The following ARHGAP35 variants were observed in gnomAD, a reference collection of about 807,000 sequenced individuals.
The protein encoded by ARHGAP35 is Rho GTPase activating protein 35.
Under a neutral mutation model 111.1 loss-of-function variants are expected in ARHGAP35, and 15 were observed. The ratio of observed to expected loss-of-function variants is 0.13; its 90% CI spans 0.09 to 0.21. The LOEUF is 0.21. Ranked by LOEUF, ARHGAP35 falls within the 10% of genes least tolerant of loss-of-function variation. The pLI is 1.00. For synonymous variants in ARHGAP35, 643 were observed against 710.3 expected (o/e 0.91, Z 1.51); for missense variants, 1,262 against 1,873.0 (o/e 0.67, Z 6.02).
rs2056664476 is a variant in ARHGAP35 at position 46,988,761 on chromosome 19, A to C, written c.3904+695A>C. ...AGAGTGGACACCACACCCACTTCCC[A>C]GGTGGGCGGCCCTTGCGCCTTGCAG... On this transcript the variant is annotated intron_variant, in intron 4 of 6. Coordinates refer to ENST00000672722, the MANE Select transcript of ARHGAP35 (RefSeq NM_004491.5). This position sits in a 1 kb window ranked among gnomAD's most constrained non-coding sequence, Gnocchi z 5.4. 1 of 153,228 alleles carries C rather than the reference A, an allele frequency of 6.5e-6. No individual in the cohort carries two copies. Among genetic ancestry groups the C allele is most frequent in the African/African-American group, 2.4e-5 (1 of 41,474 alleles). The allele number at this position is 153,228 out of a possible 1,614,324, so 9.5% of individuals were successfully genotyped here.
chr19:46,868,829 TAAAAG>T (rs1265865154), intron 1 of ARHGAP35, among the ~76,000 whole-genome samples: 1 of 149,134 alleles, frequency 6.7e-6, no homozygotes, highest in South Asian at 2.1e-4. Flanking sequence ...AAATAAAAAT[TAAAAG>T]AAACATACAG....
intron 3 of ARHGAP35, among the ~76,000 whole-genome samples, chr19:46,963,956 C>T (rs924252386): frequency 6.6e-6 from 1 of 151,726 alleles, no homozygotes; most frequent in African/African-American, 2.4e-5. Context: ...CAATGTCCGC[C>T]TCCCAGGTTC....
chr19:46,973,556 G>A (rs2056563215), intron 3 of ARHGAP35, among the ~76,000 whole-genome samples: 1 of 151,520 alleles, frequency 6.6e-6, no homozygotes, highest in Non-Finnish European at 1.5e-5. Context: ...CGGGTGTGGT[G>A]GCGGGGCGCC....
chr19:46,922,680 C>T lies in ARHGAP35; in HGVS notation c.3681+324C>T, dbSNP rs1275122586. 2.0e-5 allele frequency among the ~76,000 whole-genome samples: 3 copies of T among 152,196 alleles called. No homozygotes were observed. Among genetic ancestry groups the T allele is most frequent in the Non-Finnish European group, 4.4e-5 (3 of 68,038 alleles). On this transcript the variant is annotated intron_variant, in intron 2 of 6. Coordinates refer to ENST00000672722, the MANE Select transcript of ARHGAP35 (RefSeq NM_004491.5). The surrounding 1 kb of genome is among the most constrained non-coding windows in gnomAD (Gnocchi z 4.0). ...TGACAATACACTTGCTCTCCCTTCA[C>T]TGAAACACCAGAACTCAAAACTGCT... is the stretch of plus-strand genomic sequence containing the variant.
At chr19:46,944,117 T>C (rs1234317589) in intron 3 of ARHGAP35, among the ~76,000 whole-genome samples, 1 of 151,924 alleles carries the variant, frequency 6.6e-6, no homozygotes, top group Middle Eastern at 3.2e-3. Context: ...CCTGGCAACA[T>C]GGTAAAATCC....
intron 2 of ARHGAP35, among the ~76,000 whole-genome samples, chr19:46,934,472 A>G (rs1469255460): frequency 6.6e-6 from 1 of 151,976 alleles, no homozygotes; most frequent in East Asian, 1.9e-4. Flanking sequence ...GGTTCAAGTG[A>G]TTCTCCCACC....
intron 1 of ARHGAP35, among the ~76,000 whole-genome samples, chr19:46,876,076 CT>C (rs1235341567): frequency 6.6e-6 from 1 of 152,138 alleles, no homozygotes; most frequent in Non-Finnish European, 1.5e-5. Context: ...CTCTTGGTGC[CT>C]TAGGCACGTC....
At chr19:46,954,568 T>C (rs2056428978) in intron 3 of ARHGAP35, among the ~76,000 whole-genome samples, 1 of 152,366 alleles carries the variant, frequency 6.6e-6, no homozygotes, top group South Asian at 2.1e-4. Context: ...GTTTGAAATG[T>C]AAGCTGACTG....
intron 3 of ARHGAP35, among the ~76,000 whole-genome samples, chr19:46,985,615 G>A (rs1044008814): frequency 1.3e-5 from 2 of 152,182 alleles, no homozygotes; most frequent in African/African-American, 4.8e-5. Flanking sequence ...TGGCATCATC[G>A]TTTATTTAAT....
In ARHGAP35 at chr19:46,901,788, C is replaced by A. The variant is rs1488008391; in HGVS notation, c.-188-16700C>A. Among the ~76,000 whole-genome samples, 1 of 152,124 alleles carries A rather than the reference C, an allele frequency of 6.6e-6. No homozygotes were observed. Among genetic ancestry groups the A allele is most frequent in the Non-Finnish European group, 1.5e-5 (1 of 68,026 alleles). On this transcript the variant is annotated intron_variant, in intron 1 of 6. Transcript: ENST00000672722. This position sits in a 1 kb window ranked among gnomAD's most constrained non-coding sequence, Gnocchi z 4.5. Reference sequence around the variant, plus strand: ...TGCATGCACTTAGGTTATCATTAGCCCCTAGAGACTTACCTGTCTCCTTGA... The same window carrying A: ...TGCATGCACTTAGGTTATCATTAGCACCTAGAGACTTACCTGTCTCCTTGA...
At chr19:46,967,979 A>T (rs1458415152) in intron 3 of ARHGAP35, among the ~76,000 whole-genome samples, 1 of 152,172 alleles carries the variant, frequency 6.6e-6, no homozygotes, top group Non-Finnish European at 1.5e-5. Flanking sequence ...GTGAACACGT[A>T]GCACACTGTA....
At chr19:46,987,843 C>G in intron 3 of ARHGAP35, 146 bp from the exon 4 acceptor site, 1 of 645,026 alleles carries the variant, frequency 1.6e-6, no homozygotes, top group Non-Finnish European at 2.6e-6. Flanking sequence ...CTAGAAAAAT[C>G]AAACGAGAGT....
intron 3 of ARHGAP35, among the ~76,000 whole-genome samples, chr19:46,976,210 C>CTTTTTTTTTTT (rs772367746): frequency 8.4e-6 from 1 of 118,732 alleles, no homozygotes. Context: ...AAGCTTTCTC[C>CTTTTTTTTTTT]TTTTTTTTTT....
At position 46,862,878 on chromosome 19, in the gene ARHGAP35, T is replaced by C. The variant is rs143269497; in HGVS notation, c.-189+1669T>C. ...ACCCTCCACTGTTCTGCCTCTTGTC[T>C]TCTTTTGGAGTTCTCACTCCAATTG... is the stretch of plus-strand genomic sequence containing the variant. On this transcript the variant is annotated intron_variant, in intron 1 of 6. Transcript: ENST00000672722. Among the ~76,000 whole-genome samples the C allele has an allele frequency of 2.0e-5, 3 of 152,280 alleles. No homozygotes were observed. In the East Asian group the frequency reaches 5.8e-4, roughly 29 times the overall value.
chr19:46,878,336 T>C (rs939440706), intron 1 of ARHGAP35, among the ~76,000 whole-genome samples: 1 of 152,050 alleles, frequency 6.6e-6, no homozygotes, highest in African/African-American at 2.4e-5. Context: ...TTTTTATTTT[T>C]TTGAGAGAGA....
At chr19:46,952,251 A>T (rs956034153) in intron 3 of ARHGAP35, among the ~76,000 whole-genome samples, 1 of 152,158 alleles carries the variant, frequency 6.6e-6, no homozygotes, top group Non-Finnish European at 1.5e-5. Context: ...AAAACTATGA[A>T]TACTCAAAGT....
chr19:46,879,587 A>AAACTAAATAAAT (rs2055946961), intron 1 of ARHGAP35, among the ~76,000 whole-genome samples: 1 of 87,678 alleles, frequency 1.1e-5, no homozygotes, highest in Non-Finnish European at 2.4e-5. Flanking sequence ...ACTCCATCTC[A>AAACTAAATAAAT]AAATAAATAA....
chr19:46,912,030 G>C lies in ARHGAP35; in HGVS notation c.-188-6458G>C, dbSNP rs556601079. The stretch of plus-strand genomic sequence containing the variant: ...CAGTGGTTTAATAAGCCAGAGAATA[G>C]TGTTCCCTTCTTTTCTTTTTTTTTT... On this transcript the variant is annotated intron_variant, in intron 1 of 6. Coordinates refer to ENST00000672722, the MANE Select transcript of ARHGAP35 (RefSeq NM_004491.5). Among the ~76,000 whole-genome samples the C allele has an allele frequency of 5.9e-5, 9 of 151,650 alleles. No individual in the cohort carries two copies. The East Asian group carries it at 1.7e-3, about 29-fold the overall frequency.
At position 46,936,670 on chromosome 19, in the gene ARHGAP35, T is replaced by C. The variant is rs117277907; in HGVS notation, c.3682-594T>C. Among the ~76,000 whole-genome samples the C allele has an allele frequency of 4.2e-3, 640 of 152,304 alleles. 2 individuals carry two copies. The highest frequency in any genetic ancestry group is 6.7e-3 in the Non-Finnish European group (456 of 68,028). ...TAGAGGATGTAGATAATCATCGTATTGTTATTTTATTACATAAACATGGAC... is the reference window on the plus strand; with the variant it reads ...TAGAGGATGTAGATAATCATCGTATCGTTATTTTATTACATAAACATGGAC... On this transcript the variant is annotated intron_variant, in intron 2 of 6. Transcript: ENST00000672722.
Sources: allele counts gnomAD v4.1 joint callset (sites outside exome capture counted in the v4.1 genomes callset), GRCh38; gene constraint gnomAD v4.1.1; non-coding constraint Gnocchi (gnomAD v3.1); transcripts MANE v1.5; gene names NCBI Gene and HGNC (gene_info 2026-07-23, HGNC 2026-07-21).